NLRC5: variants seen among roughly 807,000 people sequenced by gnomAD.
The protein encoded by NLRC5 is protein NLRC5.
In NLRC5, 114 loss-of-function variants were observed where a neutral mutation model predicts 206.9. The ratio of observed to expected loss-of-function variants is 0.55; its 90% CI spans 0.47 to 0.64. The LOEUF is 0.64. NLRC5 is among the 30% of genes least tolerant of loss of function. The pLI is 0.00. For missense variants in NLRC5, 2,008 were observed against 2,305.5 expected (o/e 0.87, Z 2.64); for synonymous variants, 952 against 962.8 (o/e 0.99, Z 0.21).
At chr16:57,014,091 G>A (rs557642711) in intron 1 of NLRC5, 53 of 210,970 alleles carry the variant, frequency 2.5e-4, no homozygotes, top group Non-Finnish European at 4.2e-4. Flanking sequence ...AGGTCCACAG[G>A]CTTCAAAACA....
chr16:57,015,799 T>C (rs1282992088), intron 1 of NLRC5, among the ~76,000 whole-genome samples: 1 of 150,716 alleles, frequency 6.6e-6, no homozygotes, highest in African/African-American at 2.4e-5. Context: ...TAGTGGCACA[T>C]GCCTGTAATC....
intron 38 of NLRC5, chr16:57,074,392 C>T: frequency 1.8e-6 from 1 of 542,100 alleles, no homozygotes. Flanking sequence ...GAACATAGAA[C>T]TGCTGCCTGC....
At chr16:57,078,253 C>G (rs994499599) in intron 43 of NLRC5, among the ~76,000 whole-genome samples, 3 of 152,246 alleles carry the variant, frequency 2.0e-5, no homozygotes, top group Admixed American at 6.5e-5. Flanking sequence ...GGCCAAACCC[C>G]TGCCCCTTCT....
chr16:57,044,700 C>G (rs556678735), intron 20 of NLRC5, among the ~76,000 whole-genome samples: 1 of 152,070 alleles, frequency 6.6e-6, no homozygotes, highest in South Asian at 2.1e-4. Context: ...AGGAGGATCA[C>G]CTGAGCCTAG....
chr16:57,023,282 G>A (rs12444396), intron 4 of NLRC5, among the ~76,000 whole-genome samples: 31,598 of 152,102 alleles, frequency 0.21, 3,710 homozygotes, highest in Non-Finnish European at 0.27. Flanking sequence ...AGTGATTGTT[G>A]AAAATCCATA....
At position 57,013,310 on chromosome 16, in the gene NLRC5, C is replaced by T. The variant is rs182686074; in HGVS notation, c.-127-3764C>T. 4.7e-4 allele frequency: 295 copies of T among 622,904 alleles called. 1 individual carries two copies. Among genetic ancestry groups the T allele is most frequent in the Non-Finnish European group, 3.1e-4 (104 of 330,442 alleles). 38.6% of individuals were successfully genotyped at this position (622,904 alleles called of 1,614,324 possible). On this transcript the variant is annotated intron_variant, in intron 1 of 48. Transcript: ENST00000688547. ...CACTAATATGTCATTTCTAAGCTGA[C>T]GGTCATAATGACTAAAACCTCTCAT...
intron 47 of NLRC5, 141 bp downstream of exon 47, chr16:57,081,322 C>G: frequency 1.1e-6 from 1 of 946,910 alleles, no homozygotes; most frequent in Non-Finnish European, 1.6e-6. Context: ...CAAGCCCCTG[C>G]CAGGCTTAGT....
intron 38 of NLRC5, 35 bp from the exon 39 acceptor site, chr16:57,074,565 C>G: frequency 6.2e-7 from 1 of 1,601,532 alleles, no homozygotes; most frequent in South Asian, 1.1e-5. Flanking sequence ...GCCCCACCCC[C>G]AGATGTCAAG....
chr16:57,043,030 C>T (rs914322477), intron 19 of NLRC5, among the ~76,000 whole-genome samples: 1 of 152,166 alleles, frequency 6.6e-6, no homozygotes, highest in African/African-American at 2.4e-5. Context: ...AGGGTCCACA[C>T]TCGCCCTACC....
At position 57,042,222 on chromosome 16, in the gene NLRC5, A is replaced by C. The variant is rs1414094004; in HGVS notation, c.3113+157A>C. 1.6e-4 allele frequency among the ~76,000 whole-genome samples: 24 copies of C among 152,188 alleles called. 1 individual carries two copies. Among genetic ancestry groups the C allele is most frequent in the African/African-American group, 5.6e-4 (23 of 41,434 alleles). On this transcript the variant is annotated intron_variant, in intron 19 of 48. Transcript: ENST00000688547. Reference sequence around the variant, plus strand: ...GTAAGTTCTCGGTGAAGGCTAGCTAATAGATGATTCTTACTCAGAGAGTCT... The same window carrying C: ...GTAAGTTCTCGGTGAAGGCTAGCTACTAGATGATTCTTACTCAGAGAGTCT...
intron 36 of NLRC5, among the ~76,000 whole-genome samples, chr16:57,068,578 C>A (rs1024202794): frequency 6.6e-6 from 1 of 152,112 alleles, no homozygotes; most frequent in Admixed American, 6.5e-5. Flanking sequence ...AAGTTGTAAT[C>A]ATGTCCCTTT....
rs1567624677 is a variant in NLRC5, at chr16:57,061,518, C to G, written c.4057C>G (p.Leu1353Val). Residue 1353 changes from leucine to valine, a missense_variant, in exon 31 of 49, where the codon CTG (leucine) becomes GTG (valine). Physicochemically the swap from Leu to Val is conservative, Grantham distance 32. Coordinates refer to ENST00000688547, the MANE Select transcript of NLRC5 (RefSeq NM_001384950.1). ...CACCGGCTTGAGCAAGTCCCTGCAGCTGACGGAGCTCACGTGAGTGACCCA... is the reference window on the plus strand; with the variant it reads ...CACCGGCTTGAGCAAGTCCCTGCAGGTGACGGAGCTCACGTGAGTGACCCA... ...LATGLSKSLQ[L>V]TELTLTQCCL... 1 of 1,610,098 alleles carries G rather than the reference C, an allele frequency of 6.2e-7. No homozygotes were observed. The highest frequency in any genetic ancestry group is 8.5e-7 in the Non-Finnish European group (1 of 1,180,026).
chr16:57,040,630 C>A lies in NLRC5; in HGVS notation c.2871-20C>A, dbSNP rs553712131. The A allele has an allele frequency of 6.2e-7, 1 of 1,613,488 alleles. No individual in the cohort carries two copies. ...CGGACATGGCCTTTGCTCAGCCTGG[C>A]CTTGGTGATGTCCCTCCAGGGCTGC... On this transcript the variant is annotated intron_variant, in intron 16 of 48. Transcript: ENST00000688547.
intron 23 of NLRC5, chr16:57,047,847 G>C (rs910867080): frequency 1.7e-6 from 1 of 588,692 alleles, no homozygotes; most frequent in Non-Finnish European, 3.0e-6. Flanking sequence ...TGCTGTGCTG[G>C]ACTGGGGAAG....
At chr16:56,991,206 G>A (rs1028123511) in intron 1 of NLRC5, 2 of 151,972 alleles carry the variant, frequency 1.3e-5, no homozygotes, top group African/African-American at 4.8e-5. Context: ...CAAGCAGAGG[G>A]GAAAGATCTT....
intron 32 of NLRC5, 95 bp downstream of exon 32, chr16:57,061,796 G>C (rs1567625693): frequency 2.6e-6 from 4 of 1,544,206 alleles, no homozygotes; most frequent in South Asian, 1.2e-5. Flanking sequence ...CATGGCCCCA[G>C]TCATTTCCTG....
chr16:57,064,784 C>T (rs943316734), intron 32 of NLRC5, among the ~76,000 whole-genome samples: 12 of 152,020 alleles, frequency 7.9e-5, no homozygotes, highest in African/African-American at 2.9e-4. Flanking sequence ...ATTAGCCAGG[C>T]GTGGTGGCGC....
At chr16:57,045,561 C>T in intron 21 of NLRC5, 69 bp downstream of exon 21, 2 of 1,483,610 alleles carry the variant, frequency 1.3e-6, no homozygotes, top group Non-Finnish European at 1.9e-6. Flanking sequence ...GAGGTCCCCC[C>T]ACCCCCAGAC....
Position 56,997,283 on chromosome 16 carries a change from G to A in NLRC5, c.-128+7666G>A, listed in dbSNP as rs75488855. Among the ~76,000 whole-genome samples, 1,609 of 152,248 alleles carry A rather than the reference G, an allele frequency of 0.011. 71 individuals are homozygous for A. The East Asian group carries it at 0.11, about 10-fold the overall frequency. The stretch of plus-strand genomic sequence containing the variant: ...TATTGCTTGAGATTCTAATGGGGAG[G>A]TGCAGGTGGAATACTGTAGCCTGAT... On this transcript the variant is annotated intron_variant, in intron 1 of 48. Transcript: ENST00000688547.
Sources: allele counts gnomAD v4.1 joint callset (sites outside exome capture counted in the v4.1 genomes callset), GRCh38; gene constraint gnomAD v4.1.1; transcripts MANE v1.5; gene names NCBI Gene and HGNC (gene_info 2026-07-23, HGNC 2026-07-21).